B3GALT1: variants seen among roughly 807,000 people sequenced by gnomAD.
B3GALT1 encodes UDP-Gal:betaGlcNAc beta 1,3-galactosyltransferase, polypeptide 1.
Under a neutral mutation model 23.2 loss-of-function variants are expected in B3GALT1, and 10 were observed. The ratio of observed to expected loss-of-function variants is 0.43; its 90% CI spans 0.27 to 0.73. The LOEUF is 0.73. Among genes scored for constraint, B3GALT1 ranks in the 30% least tolerant of loss-of-function variants. B3GALT1 has a pLI of 0.21. For missense variants in B3GALT1, 299 were observed against 405.4 expected (o/e 0.74, Z 2.25); for synonymous variants, 156 against 141.5 (o/e 1.10, Z -0.73).
At chr2:167,603,106 A>G (rs1684903331) in intron 2 of B3GALT1, among the ~76,000 whole-genome samples, 1 of 152,198 alleles carries the variant, frequency 6.6e-6, no homozygotes, top group South Asian at 2.1e-4. Context: ...TTTCCAGCAT[A>G]TAGGTCATCA....
At chr2:167,686,789 A>T (rs926267504) in intron 3 of B3GALT1, among the ~76,000 whole-genome samples, 2 of 152,130 alleles carry the variant, frequency 1.3e-5, no homozygotes, top group Non-Finnish European at 2.9e-5. Flanking sequence ...AGAAGAGGAG[A>T]CCAAGCCTAA....
At chr2:167,361,852 T>A (rs1559075317) in intron 1 of B3GALT1, among the ~76,000 whole-genome samples, 2 of 152,010 alleles carry the variant, frequency 1.3e-5, no homozygotes, top group Admixed American at 6.6e-5. Context: ...GACGGGTGGA[T>A]CACATGAGGT....
At chr2:167,637,517 C>T (rs1685577169) in intron 2 of B3GALT1, among the ~76,000 whole-genome samples, 1 of 151,924 alleles carries the variant, frequency 6.6e-6, no homozygotes, top group African/African-American at 2.4e-5. Context: ...GGTTTTAAGT[C>T]CTCTTTTCTA....
At chr2:167,627,808 T>C (rs551273474) in intron 2 of B3GALT1, among the ~76,000 whole-genome samples, 1 of 151,844 alleles carries the variant, frequency 6.6e-6, no homozygotes, top group Admixed American at 6.6e-5. Context: ...ATGTGAAAGT[T>C]CTAGTTGTTC....
chr2:167,813,769 C>G (rs999879374), intron 3 of B3GALT1, among the ~76,000 whole-genome samples: 22 of 152,304 alleles, frequency 1.4e-4, no homozygotes, highest in African/African-American at 5.3e-4. Context: ...GCTACCCAAA[C>G]TAATGGTGAA....
At chr2:167,302,856 G>A (rs1395589946) in intron 1 of B3GALT1, among the ~76,000 whole-genome samples, 1 of 152,090 alleles carries the variant, frequency 6.6e-6, no homozygotes, top group Non-Finnish European at 1.5e-5. Context: ...CAAATATCAT[G>A]GAAAGTTTTG....
chr2:167,489,383 G>A (rs188584578), intron 1 of B3GALT1, among the ~76,000 whole-genome samples: 6 of 152,298 alleles, frequency 3.9e-5, no homozygotes, highest in African/African-American at 1.2e-4. Context: ...AGATAACTGG[G>A]GTGTAGAGGT....
chr2:167,587,783 C>T (rs55873783), intron 2 of B3GALT1, among the ~76,000 whole-genome samples: 1 of 152,186 alleles, frequency 6.6e-6, no homozygotes, highest in African/African-American at 2.4e-5. Flanking sequence ...CTGCTTACCA[C>T]TAATTATTCT....
intron 2 of B3GALT1, among the ~76,000 whole-genome samples, chr2:167,513,384 A>G (rs1182271640): frequency 6.6e-6 from 1 of 152,218 alleles, no homozygotes; most frequent in Admixed American, 6.5e-5. Context: ...AAATAGAGAC[A>G]TACAAAGGAC....
chr2:167,538,609 C>T (rs1683472309), intron 2 of B3GALT1, among the ~76,000 whole-genome samples: 1 of 152,090 alleles, frequency 6.6e-6, no homozygotes, highest in African/African-American at 2.4e-5. Context: ...GGTGGAGCAG[C>T]GTACATTACT....
At chr2:167,481,065 T>TG (rs1559109964) in intron 1 of B3GALT1, among the ~76,000 whole-genome samples, 3 of 152,304 alleles carry the variant, frequency 2.0e-5, no homozygotes, top group South Asian at 4.1e-4. Context: ...AGCTGGTACT[T>TG]GCAATTCAAA....
intron 2 of B3GALT1, among the ~76,000 whole-genome samples, chr2:167,639,602 TAGATAGAC>T (rs1275690514): frequency 8.9e-4 from 8 of 8,980 alleles, no homozygotes; most frequent in South Asian, 2.4e-3. Flanking sequence ...ACTGGAGACT[TAGATAGAC>T]AGAGATACAG....
chr2:167,798,712 A>G (rs1688583022), intron 3 of B3GALT1, among the ~76,000 whole-genome samples: 1 of 152,194 alleles, frequency 6.6e-6, no homozygotes, highest in Non-Finnish European at 1.5e-5. Flanking sequence ...GAAATCAGGT[A>G]GCATGATGCC....
At chr2:167,337,390 G>A (rs559848607) in intron 1 of B3GALT1, among the ~76,000 whole-genome samples, 64 of 151,462 alleles carry the variant, frequency 4.2e-4, no homozygotes, top group African/African-American at 1.4e-3. Flanking sequence ...ACATGCACAC[G>A]CACACACACC....
intron 2 of B3GALT1, among the ~76,000 whole-genome samples, chr2:167,645,543 A>G (rs1371189974): frequency 7.2e-6 from 1 of 139,708 alleles, no homozygotes; most frequent in Non-Finnish European, 1.5e-5. Flanking sequence ...ACCCTTGGCC[A>G]CTGCCAATAA....
chr2:167,590,188 T>C (rs957333420), intron 2 of B3GALT1, among the ~76,000 whole-genome samples: 42 of 151,806 alleles, frequency 2.8e-4, no homozygotes, highest in African/African-American at 9.9e-4. Context: ...CTACTAAAAA[T>C]ACAAAAAATT....
intron 3 of B3GALT1, among the ~76,000 whole-genome samples, chr2:167,806,099 G>T (rs1416108773): frequency 6.6e-6 from 1 of 152,194 alleles, no homozygotes; most frequent in Non-Finnish European, 1.5e-5. Flanking sequence ...AATTGTGAAT[G>T]AAAGTTCACT....
chr2:167,477,895 T>G (rs1699508470), intron 1 of B3GALT1, among the ~76,000 whole-genome samples: 1 of 152,236 alleles, frequency 6.6e-6, no homozygotes, highest in Admixed American at 6.5e-5. Context: ...AAACACATTT[T>G]GAATGGCAGA....
At chr2:167,677,696 C>T (rs1686451673) in intron 3 of B3GALT1, among the ~76,000 whole-genome samples, 2 of 152,162 alleles carry the variant, frequency 1.3e-5, no homozygotes, top group Admixed American at 1.3e-4. Context: ...GCTCCCTCTA[C>T]CCTGGACCCC....
Sources: allele counts gnomAD v4.1 joint callset (sites outside exome capture counted in the v4.1 genomes callset), GRCh38; gene constraint gnomAD v4.1.1; transcripts MANE v1.5; gene names NCBI Gene and HGNC (gene_info 2026-07-23, HGNC 2026-07-21).